The following PCDH11X variants were observed in gnomAD, a reference collection of about 807,000 sequenced individuals.
PCDH11X encodes protocadherin-11 X-linked.
In PCDH11X, 18 loss-of-function variants were observed where a neutral mutation model predicts 53.3. That is an observed-to-expected ratio of 0.34 (90% CI 0.23 to 0.50). PCDH11X has a LOEUF of 0.50. PCDH11X is among the 20% of genes least tolerant of loss of function. PCDH11X has a pLI of 0.98. For synonymous variants in PCDH11X, 279 were observed against 393.3 expected (o/e 0.71, Z 3.44); for missense variants, 570 against 1,032.4 (o/e 0.55, Z 6.14).
intron 7 of PCDH11X, among the ~76,000 whole-genome samples, chrX:92,220,473 G>T (rs1258529581): frequency 1.8e-5 from 2 of 108,123 alleles, no homozygotes; most frequent in Non-Finnish European, 3.8e-5. Context: ...GGCCATCAGA[G>T]AAATGCAAAT....
At chrX:91,953,054 G>C (rs141040028) in intron 6 of PCDH11X, among the ~76,000 whole-genome samples, 10,776 of 110,200 alleles carry the variant, frequency 0.098, 632 homozygotes, top group African/African-American at 0.2. Context: ...GACTGGGAAG[G>C]TAGTAGGGAG....
intron 6 of PCDH11X, among the ~76,000 whole-genome samples, chrX:91,977,470 G>T: frequency 8.9e-6 from 1 of 111,889 alleles, no homozygotes. Context: ...ACCTATGCAG[G>T]ATTTTGTTTC....
At chrX:92,474,794 A>G (rs1377040363) in intron 10 of PCDH11X, among the ~76,000 whole-genome samples, 1 of 106,232 alleles carries the variant, frequency 9.4e-6, no homozygotes, top group East Asian at 3.0e-4. Flanking sequence ...TTATTGATAT[A>G]TTGTTATACT....
At chrX:92,255,970 A>G (rs963240429) in intron 7 of PCDH11X, among the ~76,000 whole-genome samples, 3 of 112,196 alleles carry the variant, frequency 2.7e-5, no homozygotes, top group African/African-American at 9.8e-5. Context: ...ACCCAGTTGG[A>G]GCTTCCCAGC....
intron 6 of PCDH11X, among the ~76,000 whole-genome samples, chrX:92,150,432 T>G (rs1302775380): frequency 1.8e-5 from 2 of 109,913 alleles, no homozygotes; most frequent in African/African-American, 6.6e-5. Context: ...ATTTCCTCAT[T>G]GAGTTATTTG....
At chrX:92,105,548 A>G (rs1198879791) in intron 6 of PCDH11X, among the ~76,000 whole-genome samples, 1 of 108,362 alleles carries the variant, frequency 9.2e-6, no homozygotes, top group Admixed American at 9.9e-5. Context: ...CAGCGAAGGG[A>G]GATAGGGGTG....
At chrX:92,197,281 A>G (rs1055752921) in intron 6 of PCDH11X, among the ~76,000 whole-genome samples, 3 of 109,806 alleles carry the variant, frequency 2.7e-5, no homozygotes, top group African/African-American at 1.0e-4. Flanking sequence ...GAAAAGAAAC[A>G]TTAAAGAGAG....
intron 10 of PCDH11X, among the ~76,000 whole-genome samples, chrX:92,479,288 C>A (rs1036831086): frequency 1.8e-5 from 2 of 108,479 alleles, no homozygotes; most frequent in Non-Finnish European, 3.8e-5. Context: ...GACAGCATAA[C>A]AATGGGTCTT....
In PCDH11X at chrX:92,216,796, CAGAG is replaced by C. The variant is rs1255791779; in HGVS notation, c.3114+15345_3114+15348del. Among the ~76,000 whole-genome samples the C allele has an allele frequency of 4.3e-3, 422 of 98,867 alleles. 6 individuals are homozygous for C. Among genetic ancestry groups the C allele is most frequent in the African/African-American group, 0.015 (399 of 26,547 alleles). 85.9% of individuals were successfully genotyped at this position (98,867 alleles called of 115,157 possible). ...TGAAGGAAAAAATGTTAAGGGCAGC[CAGAG>C]AGAAAGGTCGGGTTACCCACAAAGG... On this transcript the variant is annotated intron_variant, in intron 7 of 10. Coordinates refer to ENST00000682573, the MANE Select transcript of PCDH11X (RefSeq NM_032968.5).
At chrX:92,379,819 G>T (rs896575701) in intron 8 of PCDH11X, among the ~76,000 whole-genome samples, 1 of 109,407 alleles carries the variant, frequency 9.1e-6, no homozygotes, top group Non-Finnish European at 1.9e-5. Flanking sequence ...TACCCACTCC[G>T]TGTCTTCTGA....
intron 10 of PCDH11X, among the ~76,000 whole-genome samples, chrX:92,609,552 T>C (rs1448549382): frequency 8.9e-6 from 1 of 112,033 alleles, no homozygotes; most frequent in African/African-American, 3.2e-5. Flanking sequence ...TCTTCCTTGA[T>C]AGTCTATACA....
chrX:91,935,114 G>A (rs201006298), intron 6 of PCDH11X, among the ~76,000 whole-genome samples: 19,637 of 102,243 alleles, frequency 0.19, 2,155 homozygotes, highest in Admixed American at 0.47. Flanking sequence ...ATTTTTCAAT[G>A]TATGCTAATT....
intron 6 of PCDH11X, among the ~76,000 whole-genome samples, chrX:92,146,742 T>C (rs1409137024): frequency 1.8e-5 from 2 of 111,521 alleles, no homozygotes; most frequent in Non-Finnish European, 3.8e-5. Context: ...CTTACACCTA[T>C]AATCCCAGCA....
chrX:92,063,046 C>T (rs1427667807), intron 6 of PCDH11X, among the ~76,000 whole-genome samples: 2 of 110,583 alleles, frequency 1.8e-5, no homozygotes, highest in Non-Finnish European at 3.8e-5. Context: ...TTTGCAGGGA[C>T]GTGGATGAAG....
intron 6 of PCDH11X, among the ~76,000 whole-genome samples, chrX:92,157,943 G>T (rs770209117): frequency 8.9e-6 from 1 of 111,758 alleles, no homozygotes; most frequent in Non-Finnish European, 1.9e-5. Context: ...GGCCGGTCGC[G>T]GTAGCTCATG....
At chrX:91,919,775 A>T (rs1324599105) in intron 6 of PCDH11X, among the ~76,000 whole-genome samples, 60 of 111,174 alleles carry the variant, frequency 5.4e-4, no homozygotes, top group Non-Finnish European at 9.4e-5. Flanking sequence ...TTATCTGGAT[A>T]AAAAAAGAAA....
intron 7 of PCDH11X, among the ~76,000 whole-genome samples, chrX:92,219,348 G>A (rs1258761040): frequency 7.4e-4 from 82 of 111,185 alleles, no homozygotes; most frequent in Admixed American, 2.4e-3. Flanking sequence ...CTTCAGCAAA[G>A]TCTCAGGATA....
At chrX:92,104,789 C>T (rs1025337228) in intron 6 of PCDH11X, among the ~76,000 whole-genome samples, 19 of 108,478 alleles carry the variant, frequency 1.8e-4, no homozygotes, top group Admixed American at 4.0e-4. Flanking sequence ...AGTTGGGGCA[C>T]GGAAATAAGG....
intron 10 of PCDH11X, among the ~76,000 whole-genome samples, chrX:92,515,025 C>T (rs1307049300): frequency 5.1e-5 from 4 of 78,558 alleles, no homozygotes; most frequent in Admixed American, 1.8e-4. Context: ...CCAGCCTGGG[C>T]GACAGAGCGA....
Sources: gnomAD v4.1 joint callset for allele counts (sites outside exome capture counted in the v4.1 genomes callset) on GRCh38, gnomAD v4.1.1 for gene constraint, MANE v1.5 for transcripts, NCBI Gene and HGNC (gene_info 2026-07-23, HGNC 2026-07-21) for gene names.